The following CYFIP1 variants were observed in gnomAD, a reference collection of about 807,000 sequenced individuals.
The protein encoded by CYFIP1 is cytoplasmic FMR1-interacting protein 1.
Under a neutral mutation model 163.5 loss-of-function variants are expected in CYFIP1, and 58 were observed. The observed-to-expected ratio is 0.35, with a 90% CI of 0.29 to 0.44. CYFIP1 has a LOEUF of 0.44. Among genes scored for constraint, CYFIP1 ranks in the 20% least tolerant of loss-of-function variants. CYFIP1 has a pLI of 1.00. For synonymous variants in CYFIP1, 663 were observed against 660.7 expected, an observed-to-expected ratio of 1.00 and a Z score of -0.05; for missense variants, 1,338 against 1,653.8, an observed-to-expected ratio of 0.81 and a Z score of 3.31.
chr15:22,902,835 G>A (rs950998839), intron 22 of CYFIP1, among the ~76,000 whole-genome samples: 3 of 152,180 alleles, frequency 2.0e-5, no homozygotes, highest in Non-Finnish European at 2.9e-5. Flanking sequence ...CTGAACAGAC[G>A]ACAGCCACAG....
At position 22,879,921 on chromosome 15, in the gene CYFIP1, G is replaced by C; in HGVS notation, c.3034C>G (p.Gln1012Glu). ...NAILFCLLIE[Q>E]SLSLEEVCDL... ...GTTGGGGGGCCACTCACCAGGCTCT[G>C]CTCGATGAGCAGGCAGAAGAGGATG... Residue 1012 changes from glutamine (Q) to glutamate (E), a missense_variant, in exon 26 of 31, where the codon CAG (glutamine) becomes GAG (glutamate). Transcript: ENST00000617928. 1 of 1,611,746 alleles carries C rather than the reference G, an allele frequency of 6.2e-7. No individual in the cohort carries two copies. The highest frequency in any genetic ancestry group is 8.5e-7 in the Non-Finnish European group (1 of 1,179,822).
At position 22,888,432 on chromosome 15, in the gene CYFIP1, T is replaced by C. The variant is rs146129277; in HGVS notation, c.2676+4458A>G. Among the ~76,000 whole-genome samples the C allele has an allele frequency of 2.6e-3, 394 of 152,228 alleles. 1 individual carries two copies. Among genetic ancestry groups the C allele is most frequent in the African/African-American group, 9.2e-3 (383 of 41,526 alleles). On this transcript the variant is annotated intron_variant, in intron 23 of 30. Coordinates refer to ENST00000617928, the MANE Select transcript of CYFIP1 (RefSeq NM_014608.6). Reference sequence around the variant, plus strand: ...ACTTGTATATGTCTAAATAATCTAATAGAAAATTACTGGTTTAGGACTAGG... The same window carrying C: ...ACTTGTATATGTCTAAATAATCTAACAGAAAATTACTGGTTTAGGACTAGG...
intron 21 of CYFIP1, chr15:22,904,264 C>T (rs1259958792): frequency 3.1e-6 from 1 of 323,878 alleles, no homozygotes; most frequent in African/African-American, 2.1e-5. Flanking sequence ...GCTGCATCTC[C>T]CTGGGCGTTG....
At chr15:22,918,578 T>C (rs2061074079) in intron 14 of CYFIP1, 114 bp downstream of exon 14, 1 of 986,050 alleles carries the variant, frequency 1.0e-6, no homozygotes, top group Admixed American at 3.3e-5. Context: ...CATCTGAAGG[T>C]TGAAGATAAA....
intron 30 of CYFIP1, among the ~76,000 whole-genome samples, chr15:22,870,521 A>G (rs1388830503): frequency 6.6e-6 from 1 of 152,166 alleles, no homozygotes; most frequent in African/African-American, 2.4e-5. Flanking sequence ...TATGCTGTCC[A>G]GGATGGTCTT....
Position 22,909,311 on chromosome 15 carries a change from G to T in CYFIP1, c.2271C>A (p.Leu757=), listed in dbSNP as rs150279941. ...ETLLKQRHVQ[L]LGRSIDLNRL... Reference sequence around the variant, plus strand: ...GATTGAGGTCTATTGATCTGCCGAGGAGCTGGCGTACACAGGGAAGGATGG... The same window carrying T: ...GATTGAGGTCTATTGATCTGCCGAGTAGCTGGCGTACACAGGGAAGGATGG... The change falls in exon 21 of 31, where the codon CTC becomes CTA. Residue 757 remains leucine, a splice_region_variant and synonymous_variant. Transcript: ENST00000617928. 1.2e-6 allele frequency: 2 copies of T among 1,613,980 alleles called. No homozygotes were observed. Among genetic ancestry groups the T allele is most frequent in the African/African-American group, 2.7e-5 (2 of 74,908 alleles).
At chr15:22,902,392 G>A (rs1483875681) in intron 22 of CYFIP1, among the ~76,000 whole-genome samples, 3 of 152,322 alleles carry the variant, frequency 2.0e-5, no homozygotes, top group East Asian at 1.9e-4. Context: ...GTGCAGACTC[G>A]GGATGGAGAG....
chr15:22,892,460 C>T (rs1418677688), intron 23 of CYFIP1, among the ~76,000 whole-genome samples: 2 of 152,124 alleles, frequency 1.3e-5, no homozygotes, highest in African/African-American at 4.8e-5. Context: ...CTGGGCTCAC[C>T]TTTCCAGCTC....
At chr15:22,921,124 T>C (rs2061161609) in intron 13 of CYFIP1, among the ~76,000 whole-genome samples, 2 of 151,912 alleles carry the variant, frequency 1.3e-5, no homozygotes, top group South Asian at 4.2e-4. Context: ...AATCCCAGTA[T>C]TTTGGGAGGC....
chr15:22,917,857 GC>G lies in CYFIP1; in HGVS notation c.1604del (p.Gly535AlafsTer11). The G allele has an allele frequency of 6.2e-7, 1 of 1,613,844 alleles. No individual in the cohort carries two copies. The highest frequency in any genetic ancestry group is 1.1e-5 in the South Asian group (1 of 91,064). On this transcript the variant is annotated frameshift_variant, in exon 15 of 31. Transcript: ENST00000617928. LOFTEE classifies it high-confidence loss of function. The surrounding 1 kb of genome is among the most constrained non-coding windows in gnomAD (Gnocchi z 4.2). Reference protein sequence around the residue: ...HEPFNDPALRGEKDPKSGFDI... With the variant: ...HEPFNDPALRXEKDPKSGFDI... ...CGAAGCCGCTCTTGGGGTCCTTCTC[GC>G]CCCGCAAGGCTGGGTCATTGAAGGG...
intron 3 of CYFIP1, 85 bp downstream of exon 3, chr15:22,946,918 A>G (rs183067070): frequency 1.3e-5 from 15 of 1,148,562 alleles, no homozygotes; most frequent in Non-Finnish European, 1.8e-5. Context: ...TGCATAGTCT[A>G]TTGGGATAAT....
intron 1 of CYFIP1, among the ~76,000 whole-genome samples, chr15:22,978,279 G>C (rs992154229): frequency 7.0e-6 from 1 of 143,388 alleles, no homozygotes; most frequent in African/African-American, 2.6e-5. Flanking sequence ...CTGAACCCAG[G>C]AGGCATAGGT....
intron 11 of CYFIP1, among the ~76,000 whole-genome samples, chr15:22,929,151 C>T (rs765898085): frequency 3.2e-4 from 48 of 149,452 alleles, no homozygotes; most frequent in Non-Finnish European, 5.2e-4. Context: ...ACCCAGGAGG[C>T]GAAGATTGCA....
Position 22,939,456 on chromosome 15 carries a change from C to A in CYFIP1, c.621G>T (p.Ser207=), listed in dbSNP as rs1005748167. 7 of 1,609,526 alleles carry A rather than the reference C, an allele frequency of 4.3e-6. No homozygotes were observed. The highest frequency in any genetic ancestry group is 5.1e-6 in the Non-Finnish European group (6 of 1,178,654). The change falls in exon 7 of 31, where the codon TCG becomes TCT. Residue 207 remains serine (S), a synonymous_variant. Transcript: ENST00000617928. The part of the protein sequence containing the change: ...KMADPQSIQE[S]QNLSMFLANH... ...TGGCCAGGAACATGGACAGATTCTGCGATTCCTGGATGGACTGTGGATCTG... is the reference window on the plus strand; with the variant it reads ...TGGCCAGGAACATGGACAGATTCTGAGATTCCTGGATGGACTGTGGATCTG...
At chr15:22,975,152 C>A (rs1047379955) in intron 1 of CYFIP1, among the ~76,000 whole-genome samples, 1 of 152,138 alleles carries the variant, frequency 6.6e-6, no homozygotes. Context: ...CTTACAAAAT[C>A]TCTGTTAATC....
At chr15:22,977,372 C>T (rs2063315150) in intron 1 of CYFIP1, among the ~76,000 whole-genome samples, 1 of 151,944 alleles carries the variant, frequency 6.6e-6, no homozygotes. Context: ...ATTTGTATGC[C>T]TTTTCTTTCT....
intron 1 of CYFIP1, among the ~76,000 whole-genome samples, chr15:22,958,042 T>C (rs1269905891): frequency 1.3e-5 from 2 of 151,882 alleles, no homozygotes; most frequent in African/African-American, 2.4e-5. Flanking sequence ...AAACAGTGCA[T>C]AGTTAAAAAC....
At chr15:22,950,742 C>A (rs1161032658) in intron 1 of CYFIP1, among the ~76,000 whole-genome samples, 1 of 152,192 alleles carries the variant, frequency 6.6e-6, no homozygotes, top group Non-Finnish European at 1.5e-5. Flanking sequence ...GTATGTGCGA[C>A]CCGCCTGTGA....
intron 11 of CYFIP1, 61 bp downstream of exon 11, chr15:22,932,162 G>T: frequency 8.5e-7 from 1 of 1,178,606 alleles, no homozygotes; most frequent in Non-Finnish European, 1.2e-6. Flanking sequence ...CCTAAGATTT[G>T]GGTGCAAACA....
Sources: gnomAD v4.1 joint callset for allele counts (sites outside exome capture counted in the v4.1 genomes callset) on GRCh38, gnomAD v4.1.1 for gene constraint, Gnocchi (gnomAD v3.1) non-coding constraint, MANE v1.5 for transcripts, NCBI Gene and HGNC (gene_info 2026-07-23, HGNC 2026-07-21) for gene names.